PRDM16: variants seen among roughly 807,000 people sequenced by gnomAD.
PRDM16 encodes histone-lysine N-methyltransferase PRDM16.
Under a neutral mutation model 110.6 loss-of-function variants are expected in PRDM16, and 23 were observed. The ratio of observed to expected loss-of-function variants is 0.21; its 90% CI spans 0.15 to 0.29. The LOEUF (loss-of-function observed/expected upper bound fraction) is 0.29. PRDM16 is among the 10% of genes least tolerant of loss of function. PRDM16 has a pLI of 1.00. For synonymous variants in PRDM16, 799 were observed against 781.8 expected, an observed-to-expected ratio of 1.02 and a Z score of -0.37; for missense variants, 1,615 against 1,794.3, an observed-to-expected ratio of 0.90 and a Z score of 1.81.
intron 3 of PRDM16, among the ~76,000 whole-genome samples, chr1:3,253,841 C>G (rs1639993202): frequency 6.6e-6 from 1 of 152,048 alleles, no homozygotes; most frequent in Non-Finnish European, 1.5e-5. Context: ...TAAAAGTGTT[C>G]CTATTTCTCC....
chr1:3,264,202 G>A lies in PRDM16; in HGVS notation c.438+20065G>A, dbSNP rs114855825. On this transcript the variant is annotated intron_variant, in intron 3 of 16. Transcript: ENST00000270722. ...GTGCTATGGAGTCCGAAAATGGGGCGCTGTGTGACCTGGGGCCTCTCTGCG... is the reference window on the plus strand; with the variant it reads ...GTGCTATGGAGTCCGAAAATGGGGCACTGTGTGACCTGGGGCCTCTCTGCG... Among the ~76,000 whole-genome samples, 1,337 of 152,328 alleles carry A rather than the reference G, an allele frequency of 8.8e-3. 10 individuals are homozygous for A. The highest frequency in any genetic ancestry group is 0.013 in the Non-Finnish European group (888 of 68,036).
At chr1:3,269,901 A>AGAGGAGGACAGTCCAG (rs1190307602) in intron 3 of PRDM16, among the ~76,000 whole-genome samples, 1 of 128,024 alleles carries the variant, frequency 7.8e-6, no homozygotes, top group African/African-American at 3.5e-5. Flanking sequence ...GGAAAGTCCC[A>AGAGGAGGACAGTCCAG]GAGGAGGACA....
At chr1:3,234,045 C>A (rs960533983) in intron 2 of PRDM16, among the ~76,000 whole-genome samples, 2 of 152,064 alleles carry the variant, frequency 1.3e-5, no homozygotes, top group Non-Finnish European at 2.9e-5. Flanking sequence ...GGCTCCTTGA[C>A]GCTCCCACCA....
In PRDM16 at chr1:3,411,560, G is replaced by A. The variant is rs536908705; in HGVS notation, c.1363G>A (p.Gly455Ser). The A allele has an allele frequency of 1.9e-4, 304 of 1,614,082 alleles. 1 individual carries two copies. The highest frequency in any genetic ancestry group is 1.5e-3 in the Middle Eastern group (9 of 6,062). ...GGGCAAGAACCATTACACGCCGGGC[G>A]GCATCTTTGCCCCGGGCCTGCCCTT... ...CEGKNHYTPGGIFAPGLPLTP... is the reference protein window; with the variant it reads ...CEGKNHYTPGSIFAPGLPLTP... The change falls in exon 9 of 17, where the codon GGC becomes AGC. Residue 455 changes from glycine (G) to serine (S), a missense_variant. By Grantham distance (56) the Gly-to-Ser change is moderately conservative. This residue lies in a region of PRDM16 where 772 missense variants were observed against 748.3 expected (regional missense o/e 1.03). Coordinates refer to ENST00000270722, the MANE Select transcript of PRDM16 (RefSeq NM_022114.4).
intron 1 of PRDM16, among the ~76,000 whole-genome samples, chr1:3,174,480 CAGG>C (rs543314433): frequency 5.8e-4 from 88 of 152,262 alleles, no homozygotes; most frequent in African/African-American, 2.0e-3. Flanking sequence ...GTCAGAAGGG[CAGG>C]GTCTGTGCTT....
At chr1:3,342,781 G>C (rs1642297021) in intron 3 of PRDM16, among the ~76,000 whole-genome samples, 1 of 152,176 alleles carries the variant, frequency 6.6e-6, no homozygotes, top group African/African-American at 2.4e-5. Context: ...TTCGACATGA[G>C]GATGTCTGAG....
intron 3 of PRDM16, among the ~76,000 whole-genome samples, chr1:3,360,922 C>A (rs1439901634): frequency 1.3e-5 from 2 of 152,162 alleles, no homozygotes; most frequent in Non-Finnish European, 1.5e-5. Flanking sequence ...GCCAGATGTG[C>A]GGGTGCCGTC....
intron 4 of PRDM16, among the ~76,000 whole-genome samples, chr1:3,389,486 C>T (rs1643257115): frequency 6.6e-6 from 1 of 152,198 alleles, no homozygotes; most frequent in Admixed American, 6.5e-5. Context: ...CAATGAGATT[C>T]CCCCTCCTGG....
intron 3 of PRDM16, chr1:3,309,324 C>G (rs1268939069): frequency 2.0e-5 from 3 of 152,350 alleles, no homozygotes; most frequent in Admixed American, 2.0e-4. Flanking sequence ...AACCTGATTC[C>G]GTCGTCAGGC....
chr1:3,420,000 G>T (rs755019129), intron 12 of PRDM16, among the ~76,000 whole-genome samples: 12 of 151,852 alleles, frequency 7.9e-5, no homozygotes, highest in Non-Finnish European at 1.6e-4. Flanking sequence ...ATTTGGTCTG[G>T]TCCCCTCCCA....
chr1:3,134,836 G>A (rs1488847237), intron 1 of PRDM16, among the ~76,000 whole-genome samples: 3 of 152,258 alleles, frequency 2.0e-5, no homozygotes, highest in Non-Finnish European at 4.4e-5. Flanking sequence ...TTGTTTGGCA[G>A]AGGGGCCTGA....
rs552562588 is a variant in PRDM16 at position 3,437,081 on chromosome 1, A to G, written c.*3270A>G. 1.2e-4 allele frequency: 29 copies of G among 232,668 alleles called. No individual in the cohort carries two copies. Among genetic ancestry groups the G allele is most frequent in the Admixed American group, 3.4e-4 (6 of 17,776 alleles). 14.4% of individuals were successfully genotyped at this position (232,668 alleles called of 1,614,324 possible). The stretch of plus-strand genomic sequence containing the variant: ...AGACCCTTCATGAGTGGGACCCAAG[A>G]TATCACTGACTTCAACCCAGAGGAT... On this transcript the variant is annotated 3_prime_UTR_variant, in exon 17 of 17. Coordinates refer to ENST00000270722, the MANE Select transcript of PRDM16 (RefSeq NM_022114.4).
chr1:3,437,847 A>C lies in PRDM16; in HGVS notation c.*4036A>C, dbSNP rs1638949965. On this transcript the variant is annotated 3_prime_UTR_variant, in exon 17 of 17. Transcript: ENST00000270722. ...CATTCTAACAATTGCCTTCAGCGTC[A>C]CGTGCATTGCCACTGCGCTTTCGGC... 1 of 217,582 alleles carries C rather than the reference A, an allele frequency of 4.6e-6. No homozygotes were observed. The highest frequency in any genetic ancestry group is 2.2e-5 in the African/African-American group (1 of 44,466). 13.5% of individuals were successfully genotyped at this position (217,582 alleles called of 1,614,324 possible). A position where few individuals can be genotyped will look rare whatever the true frequency, so the allele number is the denominator to read the frequency against.
chr1:3,283,687 G>T (rs997241915), intron 3 of PRDM16, among the ~76,000 whole-genome samples: 1 of 152,200 alleles, frequency 6.6e-6, no homozygotes. Context: ...AGGGTTATGG[G>T]GACCAGACCT....
intron 2 of PRDM16, among the ~76,000 whole-genome samples, chr1:3,239,617 G>A (rs1287547240): frequency 6.6e-6 from 1 of 152,184 alleles, no homozygotes; most frequent in East Asian, 1.9e-4. Context: ...CCACATCTTT[G>A]GGTCCAACGA....
intron 1 of PRDM16, among the ~76,000 whole-genome samples, chr1:3,182,592 C>G (rs1367579660): frequency 6.6e-6 from 1 of 152,160 alleles, no homozygotes; most frequent in Non-Finnish European, 1.5e-5. Context: ...GAAATAGACG[C>G]AGCCCTAAAC....
In PRDM16 at chr1:3,206,216, C is replaced by T. The variant is rs1012752636; in HGVS notation, c.387+19742C>T. On this transcript the variant is annotated intron_variant, in intron 2 of 16. Coordinates refer to ENST00000270722, the MANE Select transcript of PRDM16 (RefSeq NM_022114.4). The surrounding 1 kb of genome is among the most constrained non-coding windows in gnomAD (Gnocchi z 4.9). ...ACACTAAGCCAGTGGCCCACACTGA[C>T]CTGGCCAGGCCACTCCTCTGGAGAT... is the stretch of plus-strand genomic sequence containing the variant. 7.2e-5 allele frequency: 11 copies of T among 152,326 alleles called. No homozygotes were observed. The highest frequency in any genetic ancestry group is 2.2e-4 in the African/African-American group (9 of 41,474). The allele number at this position is 152,326 out of a possible 1,614,324, so 9.4% of individuals were successfully genotyped here.
chr1:3,075,387 T>G (rs193059843), intron 1 of PRDM16, among the ~76,000 whole-genome samples: 29 of 152,382 alleles, frequency 1.9e-4, no homozygotes, highest in African/African-American at 6.5e-4. Context: ...AAACCAGTGG[T>G]GTGTTCAGTT....
In PRDM16 at chr1:3,323,156, CA is replaced by C. The variant is rs1220370249; in HGVS notation, c.439-61992del. On this transcript the variant is annotated intron_variant, in intron 3 of 16. Coordinates refer to ENST00000270722, the MANE Select transcript of PRDM16 (RefSeq NM_022114.4). ...ATTGTCACCTTTTCAAACGGGGTTT[CA>C]AAAGGGTCTCAGGACTTAGCCCTTG... 3.9e-5 allele frequency among the ~76,000 whole-genome samples: 6 copies of C among 152,310 alleles called. No homozygotes were observed. The East Asian group carries it at 1.2e-3, about 29-fold the overall frequency.
Sources: gnomAD v4.1 joint callset for allele counts (sites outside exome capture counted in the v4.1 genomes callset) on GRCh38, gnomAD v4.1.1 for gene constraint, gnomAD v4.1.1 regional missense constraint, Gnocchi (gnomAD v3.1) non-coding constraint, MANE v1.5 for transcripts, NCBI Gene and HGNC (gene_info 2026-07-23, HGNC 2026-07-21) for gene names.